Variants in NCKAP1 observed in about 807,000 individuals in gnomAD.
NCKAP1 encodes nck-associated protein 1.
A neutral mutation model predicts 151.2 loss-of-function variants in NCKAP1; 21 were observed. That is an observed-to-expected ratio of 0.14 (90% CI 0.10 to 0.20). The LOEUF (loss-of-function observed/expected upper bound fraction) is 0.20, where lower values mean the gene tolerates loss of function less well. Ranked by LOEUF, NCKAP1 falls within the 10% of genes least tolerant of loss-of-function variation. The pLI, the probability that NCKAP1 is intolerant of heterozygous loss-of-function variation, is 1.00. For synonymous variants in NCKAP1, 484 were observed against 451.8 expected (o/e 1.07, Z -0.90); for missense variants, 933 against 1,352.1 (o/e 0.69, Z 4.86).
intron 10 of NCKAP1, among the ~76,000 whole-genome samples, chr2:182,985,052 C>T (rs1358388141): frequency 6.6e-6 from 1 of 152,122 alleles, no homozygotes; most frequent in East Asian, 1.9e-4. Context: ...TAACAAACTC[C>T]AAAGTACGTT....
At chr2:183,003,444 T>C in intron 2 of NCKAP1, 119 bp from the exon 3 acceptor site, 1 of 654,898 alleles carries the variant, frequency 1.5e-6, no homozygotes, top group South Asian at 2.0e-5. Flanking sequence ...TATTTCTAGA[T>C]GATTACGGCT....
intron 2 of NCKAP1, among the ~76,000 whole-genome samples, chr2:183,018,025 G>C (rs1470478590): frequency 6.6e-6 from 1 of 152,140 alleles, no homozygotes; most frequent in Non-Finnish European, 1.5e-5. Context: ...GGGGCGGACG[G>C]ATTGCCTGAG....
At chr2:182,985,001 A>G (rs1698022264) in intron 10 of NCKAP1, among the ~76,000 whole-genome samples, 1 of 152,240 alleles carries the variant, frequency 6.6e-6, no homozygotes, top group Non-Finnish European at 1.5e-5. Context: ...CCACGAAGAA[A>G]TAATAATTAT....
intron 14 of NCKAP1, among the ~76,000 whole-genome samples, chr2:182,978,578 T>C (rs1425524494): frequency 6.6e-6 from 1 of 152,188 alleles, no homozygotes; most frequent in Non-Finnish European, 1.5e-5. Flanking sequence ...TATGATTTGC[T>C]ACAAAATGCA....
chr2:182,964,601 A>C, intron 17 of NCKAP1, 75 bp downstream of exon 17: 1 of 1,282,028 alleles, frequency 7.8e-7, no homozygotes, highest in Non-Finnish European at 1.0e-6. Context: ...TATGACTGTA[A>C]ATATTTGGTT....
chr2:182,928,029 TA>T, intron 29 of NCKAP1, 87 bp downstream of exon 29: 1 of 926,976 alleles, frequency 1.1e-6, no homozygotes. Flanking sequence ...AATGTAAAAA[TA>T]AAGAGAATTT....
intron 1 of NCKAP1, among the ~76,000 whole-genome samples, chr2:183,034,689 C>T (rs1002188201): frequency 3.3e-5 from 5 of 152,140 alleles, no homozygotes. Context: ...TTACCATCCT[C>T]TACCTTCAGA....
chr2:182,930,817 A>T, intron 26 of NCKAP1, 29 bp from the exon 27 acceptor site: 1 of 1,567,444 alleles, frequency 6.4e-7, no homozygotes, highest in Non-Finnish European at 8.8e-7. Context: ...TTACAGAGCA[A>T]TAAATAGTCT....
At chr2:182,935,815 C>A (rs1271586831) in intron 24 of NCKAP1, among the ~76,000 whole-genome samples, 1 of 152,098 alleles carries the variant, frequency 6.6e-6, no homozygotes, top group Non-Finnish European at 1.5e-5. Flanking sequence ...CTCAGCAGTG[C>A]TAAATTCTTA....
At position 182,953,130 on chromosome 2, in the gene NCKAP1, T is replaced by G; in HGVS notation, c.2355A>C (p.Thr785=). The G allele has an allele frequency of 6.2e-7, 1 of 1,611,630 alleles. No individual in the cohort carries two copies. ...HLDSHGEPTI[T]SLYTNWYLET... is the part of the protein sequence containing the mutation. ...TTCCTTACCAATTTGTGTATAGACT[T>G]GTAATGGTTGGCTCTCCATGACTGT... is the stretch of plus-strand genomic sequence containing the variant. Residue 785 remains threonine, a synonymous_variant, in exon 21 of 31, where the codon ACA becomes ACC. Transcript: ENST00000361354.
chr2:182,974,588 C>A (rs2105846254), intron 15 of NCKAP1, among the ~76,000 whole-genome samples: 1 of 152,188 alleles, frequency 6.6e-6, no homozygotes, highest in East Asian at 1.9e-4. Flanking sequence ...TAGAGTAATG[C>A]AACTACAAGC....
At position 182,918,703 on chromosome 2, in the gene NCKAP1, T is replaced by A. The variant is rs946144480; in HGVS notation, c.*6999A>T. The A allele has an allele frequency of 7.9e-5, 12 of 152,032 alleles. No homozygotes were observed. Among genetic ancestry groups the A allele is most frequent in the African/African-American group, 2.9e-4 (12 of 41,382 alleles). 9.4% of individuals were successfully genotyped at this position (152,032 alleles called of 1,614,324 possible). ...TCAGAAGTGGGAGGATGGGAACGGG[T>A]CTAGGGATAAAAAACTACACATTGG... On this transcript the variant is annotated 3_prime_UTR_variant, in exon 31 of 31. Transcript: ENST00000361354.
At chr2:182,974,924 A>T (rs1452762985) in intron 15 of NCKAP1, among the ~76,000 whole-genome samples, 2 of 152,210 alleles carry the variant, frequency 1.3e-5, no homozygotes, top group African/African-American at 4.8e-5. Flanking sequence ...CTTCATGTTC[A>T]CTCAATGCTT....
intron 10 of NCKAP1, among the ~76,000 whole-genome samples, chr2:182,985,359 G>T (rs1698031957): frequency 1.3e-5 from 2 of 152,014 alleles, no homozygotes; most frequent in South Asian, 4.1e-4. Flanking sequence ...TATCATATAT[G>T]TAACAAAGTG....
intron 18 of NCKAP1, among the ~76,000 whole-genome samples, chr2:182,961,637 A>C (rs1376759836): frequency 1.3e-5 from 2 of 152,134 alleles, no homozygotes; most frequent in African/African-American, 4.8e-5. Context: ...TTAAATGACG[A>C]GTTAATGGGT....
intron 15 of NCKAP1, among the ~76,000 whole-genome samples, chr2:182,968,800 A>T (rs928709933): frequency 3.9e-5 from 6 of 152,170 alleles, no homozygotes; most frequent in African/African-American, 1.4e-4. Flanking sequence ...GCATCCATGA[A>T]ATAGTAAGAG....
intron 2 of NCKAP1, among the ~76,000 whole-genome samples, chr2:183,020,465 A>C (rs998622990): frequency 2.0e-4 from 21 of 104,572 alleles, no homozygotes; most frequent in South Asian, 2.5e-4. Context: ...ACCGTGTCCC[A>C]AAAAAAAAAA....
chr2:182,986,343 T>G, intron 9 of NCKAP1, 116 bp from the exon 10 acceptor site: 10 of 818,232 alleles, frequency 1.2e-5, no homozygotes, highest in Non-Finnish European at 1.8e-5. Flanking sequence ...AAACTGGCCA[T>G]CAAACTGGAA....
intron 24 of NCKAP1, among the ~76,000 whole-genome samples, chr2:182,937,332 G>A (rs1264340732): frequency 1.3e-5 from 2 of 152,020 alleles, no homozygotes; most frequent in Non-Finnish European, 2.9e-5. Context: ...TTAATGTATT[G>A]TGTAATGGAT....
Sources: allele counts gnomAD v4.1 joint callset (sites outside exome capture counted in the v4.1 genomes callset), GRCh38; gene constraint gnomAD v4.1.1; transcripts MANE v1.5; gene names NCBI Gene and HGNC (gene_info 2026-07-23, HGNC 2026-07-21).